The following PIEZO1 variants were observed in gnomAD, a reference collection of about 807,000 sequenced individuals.
PIEZO1 encodes the protein piezo type mechanosensitive ion channel component 1 (Er blood group).
In PIEZO1, 296 loss-of-function variants were observed where a neutral mutation model predicts 297.2. The ratio of observed to expected loss-of-function variants is 1.00; its 90% CI spans 0.91 to 1.10. PIEZO1 has a LOEUF of 1.10. Among genes scored for constraint, PIEZO1 ranks in the 50% least tolerant of loss-of-function variants. The probability of loss-of-function intolerance (pLI) is 0.00; values close to 1 mark genes in which losing one functional copy is unlikely to be tolerated. For synonymous variants in PIEZO1, 2,427 were observed against 1,507.5 expected (o/e 1.61, Z -14.13); for missense variants, 5,018 against 3,455.5 (o/e 1.45, Z -11.34).
At chr16:88,765,330 C>G (rs1470644039) in intron 1 of PIEZO1, among the ~76,000 whole-genome samples, 1 of 152,226 alleles carries the variant, frequency 6.6e-6, no homozygotes. Flanking sequence ...CTTGCTTCCC[C>G]TTCCCCCCAG....
chr16:88,719,324 C>G, intron 44 of PIEZO1: 1 of 524,612 alleles, frequency 1.9e-6, no homozygotes, highest in South Asian at 2.2e-5. Flanking sequence ...GCACCAGGCC[C>G]TGCTCTGCTG....
intron 36 of PIEZO1, 42 bp downstream of exon 36, chr16:88,722,176 A>G (rs1302005145): frequency 1.3e-6 from 2 of 1,531,418 alleles, no homozygotes; most frequent in Non-Finnish European, 1.8e-6. Context: ...CTGCTCCCCG[A>G]GGGCCATGGT....
At chr16:88,779,673 C>T (rs767495651) in intron 1 of PIEZO1, among the ~76,000 whole-genome samples, 2 of 152,220 alleles carry the variant, frequency 1.3e-5, no homozygotes, top group African/African-American at 2.4e-5. Context: ...CCCCTGGGGA[C>T]GCGCTGTGTG....
intron 1 of PIEZO1, among the ~76,000 whole-genome samples, chr16:88,779,914 GCTGT>G (rs918823654): frequency 2.0e-5 from 3 of 152,242 alleles, no homozygotes; most frequent in African/African-American, 7.2e-5. Context: ...GGGGGGGACG[GCTGT>G]CCCGCCCCTA....
Position 88,734,488 on chromosome 16 carries a change from C to G in PIEZO1, c.2048G>C (p.Ser683Thr). 3 of 1,549,164 alleles carry G rather than the reference C, an allele frequency of 1.9e-6. No individual in the cohort carries two copies. The highest frequency in any genetic ancestry group is 1.7e-6 in the Non-Finnish European group (2 of 1,146,356). Residue 683 changes from serine (S) to threonine (T), a missense_variant, in exon 16 of 51, where the codon AGC becomes ACC. By Grantham distance (58) the Ser-to-Thr change is moderately conservative. Coordinates refer to ENST00000301015, the MANE Select transcript of PIEZO1 (RefSeq NM_001142864.4). ...EQFSVSELFS[S>T]ILVPGFFLLA... is the part of the protein sequence containing the mutation. ...GAGGAAGAAGCCGGGCACCAGGATG[C>G]TGGAGAAGAGCTCGGACACGCTGAA... is the stretch of plus-strand genomic sequence containing the variant.
intron 1 of PIEZO1, among the ~76,000 whole-genome samples, chr16:88,784,551 C>G (rs1908088685): frequency 6.6e-6 from 1 of 152,024 alleles, no homozygotes; most frequent in African/African-American, 2.4e-5. Context: ...CGCCGCGGCC[C>G]TTCCCACCGG....
chr16:88,749,599 G>T lies in PIEZO1; in HGVS notation c.65-120C>A, dbSNP rs749377536. ...CGAGGCCGTGTGCCCTGTGAGTGCT[G>T]CCCTGAGCCAGAGCCGTGGAAGCCG... On this transcript the variant is annotated intron_variant, in intron 1 of 50. Coordinates refer to ENST00000301015, the MANE Select transcript of PIEZO1 (RefSeq NM_001142864.4). 4.1e-6 allele frequency: 3 copies of T among 732,370 alleles called. No individual in the cohort carries two copies. In the East Asian group the frequency reaches 9.6e-5, roughly 23 times the overall value. 45.4% of individuals were successfully genotyped at this position (732,370 alleles called of 1,614,324 possible). A position where few individuals can be genotyped will look rare whatever the true frequency, so the allele number is the denominator to read the frequency against.
At position 88,723,091 on chromosome 16, in the gene PIEZO1, G is replaced by T. The variant is rs140520334; in HGVS notation, c.4495+4C>A. On this transcript the variant is annotated splice_donor_region_variant and intron_variant, in intron 33 of 50. Transcript: ENST00000301015. ...TCCCACTCCCCAGCCCCGGGCCCAC[G>T]TACCTGCCGCTGCCTCCTCGGGGCC... 50 of 1,547,276 alleles carry T rather than the reference G, an allele frequency of 3.2e-5. No homozygotes were observed. The highest frequency in any genetic ancestry group is 3.9e-5 in the Non-Finnish European group (45 of 1,146,586).
chr16:88,747,870 C>T (rs944697698), intron 2 of PIEZO1, among the ~76,000 whole-genome samples: 3 of 152,152 alleles, frequency 2.0e-5, no homozygotes, highest in South Asian at 2.1e-4. Flanking sequence ...CCCACCCCAC[C>T]GGCTCTGGAG....
At chr16:88,758,970 GAGGAAGA>G (rs1906800022) in intron 1 of PIEZO1, among the ~76,000 whole-genome samples, 1 of 152,016 alleles carries the variant, frequency 6.6e-6, no homozygotes, top group Non-Finnish European at 1.5e-5. Context: ...CAAAAAGGCT[GAGGAAGA>G]TCCACACCAA....
In PIEZO1 at chr16:88,733,955, G is replaced by C. The variant is rs773506681; in HGVS notation, c.2280C>G (p.Asp760Glu). 3 of 1,546,876 alleles carry C rather than the reference G, an allele frequency of 1.9e-6. No homozygotes were observed. Among genetic ancestry groups the C allele is most frequent in the Non-Finnish European group, 2.6e-6 (3 of 1,145,124 alleles). ...GGGGAGTGGCCACGCCCAGCCCCTC[G>C]TCCCTGGAGTCCTCCTCCTCCTCCT... ...EEEEEEEDSR[D>E]EGLGVATPHQ... Residue 760 changes from aspartate (D) to glutamate (E), a missense_variant, in exon 17 of 51, where the codon GAC (aspartate) becomes GAG (glutamate). By Grantham distance (45) the Asp-to-Glu change is conservative. Coordinates refer to ENST00000301015, the MANE Select transcript of PIEZO1 (RefSeq NM_001142864.4).
chr16:88,737,402 C>CGCCGTATCATTAAAA, intron 10 of PIEZO1, 157 bp downstream of exon 10: 1 of 589,476 alleles, frequency 1.7e-6, no homozygotes, highest in Admixed American at 3.1e-5. Flanking sequence ...TCTCGGGGGT[C>CGCCGTATCATTAAAA]ACTGACACCG....
chr16:88,775,980 G>C (rs1029886760), intron 1 of PIEZO1, among the ~76,000 whole-genome samples: 2 of 152,130 alleles, frequency 1.3e-5, no homozygotes, highest in African/African-American at 2.4e-5. Flanking sequence ...GCGCCAACCA[G>C]AGCCGGAGCC....
At chr16:88,777,286 G>A (rs1907709528) in intron 1 of PIEZO1, among the ~76,000 whole-genome samples, 1 of 152,228 alleles carries the variant, frequency 6.6e-6, no homozygotes, top group Non-Finnish European at 1.5e-5. Flanking sequence ...GCTCTTTTAG[G>A]AAAAGCACAA....
chr16:88,718,736 TCTCA>T (rs1259633183), intron 44 of PIEZO1: 1 of 151,792 alleles, frequency 6.6e-6, no homozygotes, highest in Non-Finnish European at 1.5e-5. Context: ...AGAGACAGGG[TCTCA>T]CTCTGTTGCC....
Position 88,725,642 on chromosome 16 carries a change from G to T in PIEZO1, c.4011C>A (p.Asp1337Glu). 6.5e-7 allele frequency: 1 copy of T among 1,549,500 alleles called. No individual in the cohort carries two copies. Among genetic ancestry groups the T allele is most frequent in the Non-Finnish European group, 8.7e-7 (1 of 1,145,960 alleles). The change falls in exon 28 of 51, where the codon GAC becomes GAA. Residue 1337 changes from aspartate (D) to glutamate (E), a missense_variant. By Grantham distance (45) the Asp-to-Glu change is conservative. Coordinates refer to ENST00000301015, the MANE Select transcript of PIEZO1 (RefSeq NM_001142864.4). ...LYNAANLKSI[D>E]FHRRIEEKSL... ...ACTTCTCCTCTATCCTGCGGTGAAA[G>T]TCAATGCTCTTGAGGTTGGCAGCGT...
intron 22 of PIEZO1, 27 bp from the exon 23 acceptor site, chr16:88,727,688 A>AG: frequency 8.0e-7 from 1 of 1,253,942 alleles, no homozygotes; most frequent in Non-Finnish European, 1.1e-6. Flanking sequence ...CATGTCAGGA[A>AG]GGGCCGGGCC....
At chr16:88,743,463 C>T (rs1207683348) in intron 2 of PIEZO1, 1 of 446,484 alleles carries the variant, frequency 2.2e-6, no homozygotes, top group Non-Finnish European at 4.5e-6. Context: ...TCAGGCCCTT[C>T]TCACAACTTC....
Position 88,723,132 on chromosome 16 carries a change from C to G in PIEZO1, c.4458G>C (p.Glu1486Asp), listed in dbSNP as rs1021458783. Residue 1486 changes from glutamate to aspartate, a missense_variant, in exon 33 of 51, where the codon GAG becomes GAC. Physicochemically the swap from Glu to Asp is conservative, Grantham distance 45. Coordinates refer to ENST00000301015, the MANE Select transcript of PIEZO1 (RefSeq NM_001142864.4). ...QLPTGGGPSQ[E>D]VEPAEGPEEA... is the part of the protein sequence containing the mutation. ...CCTCGGGGCCCTCTGCTGGCTCCAC[C>G]TCCTGGCTGGGACCACCTCCTGGGC... is the stretch of plus-strand genomic sequence containing the variant. The G allele has an allele frequency of 6.5e-7, 1 of 1,549,134 alleles. No individual in the cohort carries two copies. The highest frequency in any genetic ancestry group is 1.2e-5 in the South Asian group (1 of 84,064).
Sources: allele counts gnomAD v4.1 joint callset (sites outside exome capture counted in the v4.1 genomes callset), GRCh38; gene constraint gnomAD v4.1.1; transcripts MANE v1.5; gene names NCBI Gene and HGNC (gene_info 2026-07-23, HGNC 2026-07-21).